Variants in ZBTB16 observed in about 807,000 individuals in gnomAD.
The protein encoded by ZBTB16 is zinc finger and BTB domain containing 16.
A neutral mutation model predicts 56.8 loss-of-function variants in ZBTB16; 8 were observed. The observed-to-expected ratio is 0.14, with a 90% confidence interval of 0.08 to 0.25. The LOEUF (loss-of-function observed/expected upper bound fraction) is 0.25. ZBTB16 is among the 10% of genes least tolerant of loss of function. The probability of loss-of-function intolerance (pLI) is 1.00; values close to 1 mark genes in which losing one functional copy is unlikely to be tolerated. For missense variants in ZBTB16, 625 were observed against 903.0 expected (o/e 0.69, Z 3.95); for synonymous variants, 363 against 368.5 (o/e 0.98, Z 0.17).
chr11:114,238,978 C>CTG (rs961874695), intron 4 of ZBTB16, among the ~76,000 whole-genome samples: 5 of 152,214 alleles, frequency 3.3e-5, no homozygotes, highest in African/African-American at 1.2e-4. Flanking sequence ...GTCTGGGACC[C>CTG]AGTTTCTCTG....
At chr11:114,096,295 C>T (rs7930788) in intron 2 of ZBTB16, among the ~76,000 whole-genome samples, 36,604 of 151,940 alleles carry the variant, frequency 0.24, 4,798 homozygotes, top group East Asian at 0.4. Context: ...CATTAAAATT[C>T]GGAGGTTTTG....
At chr11:114,131,465 C>T (rs1394695247) in intron 2 of ZBTB16, among the ~76,000 whole-genome samples, 4 of 152,110 alleles carry the variant, frequency 2.6e-5, no homozygotes, top group African/African-American at 9.7e-5. Context: ...ATAATTGAAA[C>T]TTCGAATTCA....
chr11:114,095,257 T>TTTTTTC (rs1940349889), intron 2 of ZBTB16, among the ~76,000 whole-genome samples: 1 of 133,396 alleles, frequency 7.5e-6, no homozygotes, highest in African/African-American at 3.0e-5. Flanking sequence ...TTTTTTTTTT[T>TTTTTTC]TTTTTTTTTT....
intron 2 of ZBTB16, among the ~76,000 whole-genome samples, chr11:114,078,508 T>C (rs1939647602): frequency 6.6e-6 from 1 of 151,938 alleles, no homozygotes; most frequent in Non-Finnish European, 1.5e-5. Flanking sequence ...AACAAAAGAG[T>C]TTAGACTGGC....
At chr11:114,124,860 G>A (rs1941461529) in intron 2 of ZBTB16, among the ~76,000 whole-genome samples, 1 of 152,210 alleles carries the variant, frequency 6.6e-6, no homozygotes. Flanking sequence ...CGAGGGTGCT[G>A]TGGAGGAGGA....
At chr11:114,074,638 A>G (rs1939474141) in intron 2 of ZBTB16, among the ~76,000 whole-genome samples, 1 of 152,234 alleles carries the variant, frequency 6.6e-6, no homozygotes, top group Admixed American at 6.5e-5. Flanking sequence ...CTGGCATCAT[A>G]ACCCACTAAT....
chr11:114,254,300 G>A lies in ZBTB16; in HGVS notation c.*3745G>A, dbSNP rs113274835. 6.6e-6 allele frequency among the ~76,000 whole-genome samples: 1 copy of A among 152,124 alleles called. No individual in the cohort carries two copies. Among genetic ancestry groups the A allele is most frequent in the Non-Finnish European group, 1.5e-5 (1 of 68,030 alleles). ...AGGCAGATCTGGGGTGCAGGGGTAG[G>A]TAGGGAGGCTGGGGGACCCAGTGAT... On this transcript the variant is annotated 3_prime_UTR_variant, in exon 7 of 7. Coordinates refer to ENST00000335953, the MANE Select transcript of ZBTB16 (RefSeq NM_006006.6).
intron 2 of ZBTB16, among the ~76,000 whole-genome samples, chr11:114,147,197 G>A (rs1297229833): frequency 6.6e-6 from 1 of 152,120 alleles, no homozygotes; most frequent in African/African-American, 2.4e-5. Context: ...TTTCTTCTTA[G>A]GCCTTTAATA....
chr11:114,107,637 C>G (rs1940844692), intron 2 of ZBTB16, among the ~76,000 whole-genome samples: 2 of 152,094 alleles, frequency 1.3e-5, no homozygotes, highest in African/African-American at 4.8e-5. Flanking sequence ...TTTTCTTTTC[C>G]CAGGGTGGGT....
chr11:114,213,927 G>T (rs1386609878), intron 4 of ZBTB16, among the ~76,000 whole-genome samples: 1 of 152,184 alleles, frequency 6.6e-6, no homozygotes, highest in Non-Finnish European at 1.5e-5. Context: ...TGAACTACTT[G>T]CTGCTCCACC....
chr11:114,243,589 GGGGT>G (rs554932258), intron 5 of ZBTB16, among the ~76,000 whole-genome samples: 142 of 152,348 alleles, frequency 9.3e-4, no homozygotes, highest in South Asian at 7.7e-3. Flanking sequence ...AGGGCCCAGA[GGGGT>G]GGGCTCAATA....
At chr11:114,209,845 C>T (rs1591784836) in intron 4 of ZBTB16, 5 of 985,382 alleles carry the variant, frequency 5.1e-6, no homozygotes, top group African/African-American at 3.5e-5. Flanking sequence ...TGGCATCCTG[C>T]TGTGGGTCTC....
At position 114,063,762 on chromosome 11, in the gene ZBTB16, G is replaced by C; in HGVS notation, c.462G>C (p.Lys154Asn). ...AGGACCGCAAGGCTCGGTACCTCAA[G>C]AACATCTTCATCTCGAAGCATTCCA... The part of the protein sequence containing the change: ...EEEDRKARYL[K>N]NIFISKHSSE... The change falls in exon 2 of 7, where the codon AAG (lysine) becomes AAC (asparagine). Residue 154 changes from lysine (K) to asparagine (N), a missense_variant. Lys to Asn is a moderately conservative substitution (Grantham distance 94). Coordinates refer to ENST00000335953, the MANE Select transcript of ZBTB16 (RefSeq NM_006006.6). The surrounding 1 kb of genome is among the most constrained non-coding windows in gnomAD (Gnocchi z 6.5). 1 of 1,614,042 alleles carries C rather than the reference G, an allele frequency of 6.2e-7. No homozygotes were observed. The highest frequency in any genetic ancestry group is 1.1e-5 in the South Asian group (1 of 91,088).
At chr11:114,156,012 A>G (rs1304450690) in intron 2 of ZBTB16, among the ~76,000 whole-genome samples, 12 of 152,304 alleles carry the variant, frequency 7.9e-5, no homozygotes, top group African/African-American at 2.4e-4. Context: ...CTAGTTTGAC[A>G]GTGAGCATTA....
intron 2 of ZBTB16, among the ~76,000 whole-genome samples, chr11:114,111,213 A>C (rs977704980): frequency 2.8e-4 from 43 of 151,850 alleles, no homozygotes; most frequent in African/African-American, 1.0e-3. Context: ...GGATCAAGAA[A>C]AATTTTAATG....
rs377609979 is a variant in ZBTB16 at position 114,250,565 on chromosome 11, C to T, written c.*10C>T. ...CCTGTGCTATGTGTGAAGGGAGGCC[C>T]GCGGCGGTGGAGCCGAGCGGGGAGC... On this transcript the variant is annotated 3_prime_UTR_variant, in exon 7 of 7. Transcript: ENST00000335953. The surrounding 1 kb of genome is among the most constrained non-coding windows in gnomAD (Gnocchi z 6.0). The T allele has an allele frequency of 4.2e-5, 67 of 1,613,522 alleles. No homozygotes were observed. The African/African-American group carries it at 5.5e-4, about 13-fold the overall frequency.
chr11:114,181,339 A>G (rs1943245177), intron 3 of ZBTB16, among the ~76,000 whole-genome samples: 1 of 152,154 alleles, frequency 6.6e-6, no homozygotes, highest in Admixed American at 6.5e-5. Flanking sequence ...CTTCCATTTT[A>G]CAGCTGAGGC....
chr11:114,241,651 A>G (rs1323456706), intron 4 of ZBTB16, among the ~76,000 whole-genome samples: 1 of 152,206 alleles, frequency 6.6e-6, no homozygotes, highest in Non-Finnish European at 1.5e-5. Flanking sequence ...GATTTTGGCC[A>G]AAGTACTTAA....
intron 2 of ZBTB16, among the ~76,000 whole-genome samples, chr11:114,093,857 C>G (rs1264633455): frequency 6.6e-6 from 1 of 152,190 alleles, no homozygotes; most frequent in African/African-American, 2.4e-5. Context: ...CTCTTTGAGA[C>G]AACATGTCAT....
Sources: gnomAD v4.1 joint callset for allele counts (sites outside exome capture counted in the v4.1 genomes callset) on GRCh38, gnomAD v4.1.1 for gene constraint, Gnocchi (gnomAD v3.1) non-coding constraint, MANE v1.5 for transcripts, NCBI Gene and HGNC (gene_info 2026-07-23, HGNC 2026-07-21) for gene names.